Variants in COL5A1 observed in about 807,000 individuals in gnomAD.
COL5A1 encodes the protein collagen type V alpha 1 chain.
COL5A1 carries 16 observed loss-of-function variants against 263.7 expected under a neutral mutation model. The ratio of observed to expected loss-of-function variants is 0.06; its 90% CI spans 0.04 to 0.09. The LOEUF is 0.09. COL5A1 is among the 10% of genes least tolerant of loss of function. The probability of loss-of-function intolerance (pLI) is 1.00; values close to 1 mark genes in which losing one functional copy is unlikely to be tolerated. For missense variants in COL5A1, 2,036 were observed against 2,540.5 expected (o/e 0.80, Z 4.27); for synonymous variants, 1,012 against 1,004.5 (o/e 1.01, Z -0.14).
chr9:134,786,629 C>T (rs908293235), intron 31 of COL5A1, among the ~76,000 whole-genome samples: 7 of 152,190 alleles, frequency 4.6e-5, no homozygotes, highest in Non-Finnish European at 7.3e-5. Context: ...AAAAGGAAAC[C>T]TTTCTTATGT....
At chr9:134,694,401 G>A (rs934877805) in intron 2 of COL5A1, among the ~76,000 whole-genome samples, 2 of 152,216 alleles carry the variant, frequency 1.3e-5, no homozygotes, top group Non-Finnish European at 2.9e-5. Context: ...AGTGATCTGG[G>A]TGCCAGGGAG....
chr9:134,669,356 T>A, intron 1 of COL5A1, among the ~76,000 whole-genome samples: 1 of 132,124 alleles, frequency 7.6e-6, no homozygotes, highest in African/African-American at 2.8e-5. Context: ...CCATCCCTTC[T>A]TCCATCCATT....
intron 27 of COL5A1, among the ~76,000 whole-genome samples, chr9:134,775,637 C>T (rs1054695712): frequency 6.6e-6 from 1 of 152,184 alleles, no homozygotes; most frequent in Non-Finnish European, 1.5e-5. Context: ...CAGACATACC[C>T]CTAGGCGCAC....
At chr9:134,813,753 T>G (rs1357706816) in intron 48 of COL5A1, among the ~76,000 whole-genome samples, 1 of 152,188 alleles carries the variant, frequency 6.6e-6, no homozygotes, top group African/African-American at 2.4e-5. Flanking sequence ...TCACAGACAG[T>G]GTTGCTTGCA....
chr9:134,814,493 G>A (rs1328163023), intron 49 of COL5A1, among the ~76,000 whole-genome samples: 1 of 152,184 alleles, frequency 6.6e-6, no homozygotes, highest in African/African-American at 2.4e-5. Flanking sequence ...TGGAGTCTGT[G>A]GGCACCCCTT....
intron 39 of COL5A1, 61 bp from the exon 40 acceptor site, chr9:134,804,914 G>A (rs532251858): frequency 2.7e-5 from 39 of 1,444,270 alleles, no homozygotes; most frequent in African/African-American, 4.2e-5. Context: ...CTTCGCTCTG[G>A]GGCTGGTGAG....
intron 30 of COL5A1, 67 bp downstream of exon 30, chr9:134,785,163 G>A (rs1189348131): frequency 2.0e-5 from 27 of 1,354,882 alleles, no homozygotes; most frequent in South Asian, 1.5e-4. Context: ...CCATGGCCTC[G>A]GGCTCCCGTT....
Position 134,821,453 on chromosome 9 carries a change from G to A in COL5A1, c.4555-644G>A, listed in dbSNP as rs1838996718. Among the ~76,000 whole-genome samples the A allele has an allele frequency of 6.6e-6, 1 of 152,296 alleles. No homozygotes were observed. Among genetic ancestry groups the A allele is most frequent in the East Asian group, 1.9e-4 (1 of 5,166 alleles). On this transcript the variant is annotated intron_variant, in intron 58 of 65. Transcript: ENST00000371817. This position sits in a 1 kb window ranked among gnomAD's most constrained non-coding sequence, Gnocchi z 4.2. Reference sequence around the variant, plus strand: ...TCCGCTACCCTCGCCCCCAGCTTCTGCCCGGAGAGAGCTCTGAGTGGAATC... The same window carrying A: ...TCCGCTACCCTCGCCCCCAGCTTCTACCCGGAGAGAGCTCTGAGTGGAATC...
rs863223465 is a variant in COL5A1, at chr9:134,700,058, C to A, written c.427C>A (p.His143Asn). Residue 143 changes from histidine to asparagine, a missense_variant, in exon 3 of 66, where the codon CAC becomes AAC. Coordinates refer to ENST00000371817, the MANE Select transcript of COL5A1 (RefSeq NM_000093.5). This position sits in a 1 kb window ranked among gnomAD's most constrained non-coding sequence, Gnocchi z 4.0. ...GRSPVFLYEDHTGKPGPEDYP... is the reference protein window; with the variant it reads ...GRSPVFLYEDNTGKPGPEDYP... ...CTCTCCCGTCTTCCTCTACGAGGAC[C>A]ACACGGGGAAGCCTGGCCCGGAAGA... The A allele has an allele frequency of 1.9e-6, 3 of 1,612,948 alleles. No individual in the cohort carries two copies. The highest frequency in any genetic ancestry group is 2.5e-6 in the Non-Finnish European group (3 of 1,180,048).
Position 134,681,978 on chromosome 9 carries a change from T to C in COL5A1, c.110-8934T>C, listed in dbSNP as rs140709979. On this transcript the variant is annotated intron_variant, in intron 1 of 65. Transcript: ENST00000371817. The surrounding 1 kb of genome is among the most constrained non-coding windows in gnomAD (Gnocchi z 4.3). ...CTCCCTCCCTCTCTCTCTCTCTTGC[T>C]CTCTGTCTGTCCCCACAGCTGCCTT... Among the ~76,000 whole-genome samples the C allele has an allele frequency of 1.3e-5, 2 of 152,196 alleles. No individual in the cohort carries two copies. The highest frequency in any genetic ancestry group is 2.9e-5 in the Non-Finnish European group (2 of 68,006).
In COL5A1 at chr9:134,754,154, A is replaced by G; in HGVS notation, c.1774-119A>G. ...CGTGTCCCGTCCCCGAAGTGCCCAC[A>G]TGTTTGTGGCTTGGACAGCCAGGCA... On this transcript the variant is annotated intron_variant, in intron 15 of 65. Transcript: ENST00000371817. This position sits in a 1 kb window ranked among gnomAD's most constrained non-coding sequence, Gnocchi z 4.3. 3.6e-6 allele frequency: 4 copies of G among 1,104,378 alleles called. No individual in the cohort carries two copies. Among genetic ancestry groups the G allele is most frequent in the South Asian group, 1.3e-5 (1 of 79,094 alleles). 68.4% of individuals were successfully genotyped at this position (1,104,378 alleles called of 1,614,324 possible).
intron 1 of COL5A1, among the ~76,000 whole-genome samples, chr9:134,685,479 T>C: frequency 1.0e-5 from 1 of 95,242 alleles, no homozygotes; most frequent in Non-Finnish European, 2.0e-5. Context: ...CATCCATCCA[T>C]CCATCCGTCC....
chr9:134,654,913 T>G (rs1400896267), intron 1 of COL5A1, among the ~76,000 whole-genome samples: 711 of 15,772 alleles, frequency 0.045, no homozygotes, highest in Middle Eastern at 0.077. Context: ...GGGCTGGTGT[T>G]TGTAGGGCTG....
chr9:134,656,694 C>CT (rs1284289278), intron 1 of COL5A1, among the ~76,000 whole-genome samples: 2 of 151,862 alleles, frequency 1.3e-5, no homozygotes, highest in Non-Finnish European at 2.9e-5. Flanking sequence ...TCATATAATT[C>CT]TTATTAGAGA....
chr9:134,777,421 G>T (rs1411987074), intron 27 of COL5A1, among the ~76,000 whole-genome samples: 1 of 152,202 alleles, frequency 6.6e-6, no homozygotes, highest in African/African-American at 2.4e-5. Context: ...CCTCTAATGG[G>T]AGGTGCTGCT....
intron 1 of COL5A1, among the ~76,000 whole-genome samples, chr9:134,689,328 A>T (rs1468843805): frequency 6.6e-6 from 1 of 152,126 alleles, no homozygotes. Context: ...CAGGCTGATC[A>T]CCATTCCTCC....
chr9:134,773,908 G>A (rs568817653), intron 26 of COL5A1, among the ~76,000 whole-genome samples: 4 of 152,294 alleles, frequency 2.6e-5, no homozygotes, highest in East Asian at 1.9e-4. Context: ...CTTGGCTTCC[G>A]TTCACCATGG....
In COL5A1 at chr9:134,765,320, G is replaced by A. The variant is rs1429458937; in HGVS notation, c.2035-361G>A. On this transcript the variant is annotated intron_variant, in intron 20 of 65. Coordinates refer to ENST00000371817, the MANE Select transcript of COL5A1 (RefSeq NM_000093.5). This position sits in a 1 kb window ranked among gnomAD's most constrained non-coding sequence, Gnocchi z 5.1. ...AATGAGGATAGGGCACAAGGGCTCC[G>A]TGCAGTGGAATGTTATAGCGTGGTG... Among the ~76,000 whole-genome samples, 3 of 152,270 alleles carry A rather than the reference G, an allele frequency of 2.0e-5. No homozygotes were observed. The highest frequency in any genetic ancestry group is 4.8e-5 in the African/African-American group (2 of 41,558).
At chr9:134,806,108 G>A in intron 41 of COL5A1, 81 bp from the exon 42 acceptor site, 1 of 1,027,114 alleles carries the variant, frequency 9.7e-7, no homozygotes, top group Non-Finnish European at 1.5e-6. Context: ...GGTAAGTGGA[G>A]TGATCAGCTG....
Sources: allele counts gnomAD v4.1 joint callset (sites outside exome capture counted in the v4.1 genomes callset), GRCh38; gene constraint gnomAD v4.1.1; non-coding constraint Gnocchi (gnomAD v3.1); transcripts MANE v1.5; gene names NCBI Gene and HGNC (gene_info 2026-07-23, HGNC 2026-07-21).